Variants in GRID1 observed in about 807,000 individuals in gnomAD.
GRID1 encodes glutamate ionotropic receptor delta type subunit 1, also known as glutamate receptor ionotropic, delta-1.
GRID1 carries 28 observed loss-of-function variants against 98.0 expected under a neutral mutation model. The ratio of observed to expected loss-of-function variants is 0.29; its 90% CI spans 0.21 to 0.39. GRID1 has a LOEUF of 0.39. Ranked by LOEUF, GRID1 falls within the 10% of genes least tolerant of loss-of-function variation. The probability of loss-of-function intolerance (pLI) is 1.00; values close to 1 mark genes in which losing one functional copy is unlikely to be tolerated. For missense variants in GRID1, 1,111 were observed against 1,340.5 expected, an observed-to-expected ratio of 0.83 and a Z score of 2.67; for synonymous variants, 553 against 538.5, an observed-to-expected ratio of 1.03 and a Z score of -0.37.
At chr10:85,661,253 T>A (rs1489516738) in intron 12 of GRID1, among the ~76,000 whole-genome samples, 1 of 151,968 alleles carries the variant, frequency 6.6e-6, no homozygotes, top group African/African-American at 2.4e-5. Context: ...ATTTACATTC[T>A]CTGCTTAGCC....
chr10:85,965,404 A>G (rs1300627151), intron 4 of GRID1, among the ~76,000 whole-genome samples: 1 of 152,230 alleles, frequency 6.6e-6, no homozygotes, highest in East Asian at 1.9e-4. Context: ...CATCAATGAT[A>G]GCCTGGATAA....
intron 4 of GRID1, among the ~76,000 whole-genome samples, chr10:86,073,632 G>A (rs530528704): frequency 4.6e-5 from 7 of 152,198 alleles, no homozygotes; most frequent in Non-Finnish European, 7.3e-5. Flanking sequence ...GTCTTCCAGG[G>A]ACAACTAAGG....
Position 85,656,621 on chromosome 10 carries a change from C to G in GRID1, c.1998-9224G>C, listed in dbSNP as rs528914299. The stretch of plus-strand genomic sequence containing the variant: ...CCATGCCTGCTCTTCCTCTAGTTCT[C>G]CCATGTCAATCAAACACTGCTCTAT... On this transcript the variant is annotated intron_variant, in intron 12 of 15. Transcript: ENST00000327946. Among the ~76,000 whole-genome samples the G allele has an allele frequency of 6.6e-5, 10 of 152,306 alleles. No individual in the cohort carries two copies. In the East Asian group the frequency reaches 1.7e-3, roughly 26 times the overall value.
chr10:86,111,193 A>T, intron 4 of GRID1, among the ~76,000 whole-genome samples: 1 of 152,086 alleles, frequency 6.6e-6, no homozygotes, highest in Admixed American at 6.6e-5. Context: ...AACATCCAAT[A>T]TCTCTTTTTT....
chr10:86,131,282 C>T (rs1243363682), intron 4 of GRID1, among the ~76,000 whole-genome samples: 2 of 152,116 alleles, frequency 1.3e-5, no homozygotes. Flanking sequence ...GAGGCGAGGC[C>T]CCCCCAAGGC....
chr10:85,978,282 G>T (rs1842499300), intron 4 of GRID1, among the ~76,000 whole-genome samples: 1 of 152,126 alleles, frequency 6.6e-6, no homozygotes, highest in South Asian at 2.1e-4. Flanking sequence ...CCAGGCCAAA[G>T]GACCTAAAGC....
rs138966487 is a variant in GRID1 at position 86,111,962 on chromosome 10, G to A, written c.726+26857C>T. On this transcript the variant is annotated intron_variant, in intron 4 of 15. Transcript: ENST00000327946. The stretch of plus-strand genomic sequence containing the variant: ...ATCTAATGAGGTGTAGTCTCCACCC[G>A]ACAATAAAGACATGGGCCACCATGA... 1.7e-4 allele frequency among the ~76,000 whole-genome samples: 26 copies of A among 152,320 alleles called. 1 individual carries two copies. Among genetic ancestry groups the A allele is most frequent in the Admixed American group, 1.4e-3 (22 of 15,306 alleles).
chr10:86,330,011 G>A (rs1214609716), intron 2 of GRID1, among the ~76,000 whole-genome samples: 1 of 152,112 alleles, frequency 6.6e-6, no homozygotes, highest in Non-Finnish European at 1.5e-5. Context: ...TGCTGAGCTA[G>A]CCAGCAGGAC....
intron 8 of GRID1, among the ~76,000 whole-genome samples, chr10:85,836,234 C>T (rs1842910319): frequency 6.6e-6 from 1 of 151,512 alleles, no homozygotes; most frequent in Non-Finnish European, 1.5e-5. Flanking sequence ...TATTGTTCTT[C>T]AAAAAATCAA....
At chr10:86,034,950 ATGGATAGATGGT>A (rs1349530310) in intron 4 of GRID1, among the ~76,000 whole-genome samples, 1 of 142,940 alleles carries the variant, frequency 7.0e-6, no homozygotes, top group African/African-American at 2.9e-5. Flanking sequence ...GGATGGATGG[ATGGATAGATGGT>A]TGGATGGATG....
chr10:85,840,439 C>T lies in GRID1; in HGVS notation c.1233+14057G>A, dbSNP rs557134866. ...TGAAAACTGGCACAAGACAAGGATG[C>T]GCTCTCTCACCACTTCTATTCAACA... On this transcript the variant is annotated intron_variant, in intron 8 of 15. Transcript: ENST00000327946. 1.3e-3 allele frequency among the ~76,000 whole-genome samples: 192 copies of T among 152,234 alleles called. 1 individual carries two copies. The highest frequency in any genetic ancestry group is 3.4e-3 in the Middle Eastern group (1 of 294).
chr10:85,930,638 A>ATT (rs151189089), intron 4 of GRID1, among the ~76,000 whole-genome samples: 3 of 148,068 alleles, frequency 2.0e-5, no homozygotes, highest in East Asian at 3.9e-4. Context: ...TTTTGACTTT[A>ATT]TTTTTTTTTT....
chr10:86,101,831 T>A (rs893062713), intron 4 of GRID1, among the ~76,000 whole-genome samples: 2 of 152,064 alleles, frequency 1.3e-5, no homozygotes, highest in Non-Finnish European at 2.9e-5. Context: ...TTATTTATTT[T>A]TTTGTAGAGA....
intron 8 of GRID1, among the ~76,000 whole-genome samples, chr10:85,766,759 T>G (rs902203113): frequency 2.0e-5 from 3 of 151,818 alleles, no homozygotes; most frequent in Admixed American, 2.0e-4. Context: ...TGTGTGTGTG[T>G]GTGTGTGTGT....
intron 4 of GRID1, among the ~76,000 whole-genome samples, chr10:85,992,010 G>A (rs1214567290): frequency 6.6e-6 from 1 of 152,182 alleles, no homozygotes; most frequent in African/African-American, 2.4e-5. Flanking sequence ...AATTGGGATG[G>A]ATTCAGGGCA....
chr10:85,969,915 T>C (rs989595003), intron 4 of GRID1, among the ~76,000 whole-genome samples: 1 of 151,716 alleles, frequency 6.6e-6, no homozygotes, highest in Admixed American at 6.6e-5. Context: ...GTTGATTTTT[T>C]TCAAGACTGA....
chr10:86,134,242 C>T (rs1844881147), intron 4 of GRID1, among the ~76,000 whole-genome samples: 1 of 152,220 alleles, frequency 6.6e-6, no homozygotes, highest in African/African-American at 2.4e-5. Flanking sequence ...GGAGGCACTG[C>T]CTCTGAATTC....
At chr10:86,082,988 A>G (rs778644508) in intron 4 of GRID1, among the ~76,000 whole-genome samples, 1 of 152,112 alleles carries the variant, frequency 6.6e-6, no homozygotes, top group Non-Finnish European at 1.5e-5. Flanking sequence ...ACTCCACTAG[A>G]CCAAGAGTTT....
chr10:86,043,072 G>C (rs1319046407), intron 4 of GRID1, among the ~76,000 whole-genome samples: 1 of 152,080 alleles, frequency 6.6e-6, no homozygotes, highest in Admixed American at 6.5e-5. Flanking sequence ...CTGGGTGACA[G>C]AGCAAGACTG....
Sources: allele counts gnomAD v4.1 joint callset (sites outside exome capture counted in the v4.1 genomes callset), GRCh38; gene constraint gnomAD v4.1.1; transcripts MANE v1.5; gene names NCBI Gene and HGNC (gene_info 2026-07-23, HGNC 2026-07-21).